The following GLIS3 variants were observed in gnomAD, a reference collection of about 807,000 sequenced individuals.
GLIS3 encodes zinc finger protein GLIS3.
In GLIS3, 53 loss-of-function variants were observed where a neutral mutation model predicts 78.6. The observed-to-expected ratio is 0.67, with a 90% CI of 0.54 to 0.85. GLIS3 has a LOEUF of 0.85. Among genes scored for constraint, GLIS3 ranks in the 40% least tolerant of loss-of-function variants. The pLI is 0.00. For missense variants in GLIS3, 1,703 were observed against 1,231.1 expected, an observed-to-expected ratio of 1.38 and a Z score of -5.74; for synonymous variants, 684 against 509.9, an observed-to-expected ratio of 1.34 and a Z score of -4.60.
chr9:4,431,705 G>A, the GLIS3 span, among the ~76,000 whole-genome samples: 1 of 152,120 alleles, frequency 6.6e-6, no homozygotes, highest in Non-Finnish European at 1.5e-5. Context: ...TTAGCCAGGT[G>A]TGGTGGCACA....
At chr9:4,092,745 C>T (rs1326027720) in intron 4 of GLIS3, among the ~76,000 whole-genome samples, 1 of 152,124 alleles carries the variant, frequency 6.6e-6, no homozygotes, top group East Asian at 1.9e-4. Context: ...ACGGAGCAAC[C>T]TGAGGCTGTT....
At chr9:4,466,030 G>C in the GLIS3 span, among the ~76,000 whole-genome samples, 2 of 152,262 alleles carry the variant, frequency 1.3e-5, no homozygotes, top group East Asian at 3.9e-4. Context: ...TTCTTTGATA[G>C]AGGAAATGGT....
In GLIS3 at chr9:4,270,888, GGTGTGTGTGT is replaced by G. The variant is rs148679668; in HGVS notation, c.388+15140_388+15149del. 4.2e-3 allele frequency among the ~76,000 whole-genome samples: 616 copies of G among 147,006 alleles called. 2 individuals carry two copies. Among genetic ancestry groups the G allele is most frequent in the Admixed American group, 6.9e-3 (101 of 14,726 alleles). ...AATCAATCTCTCTCTCAATCTGTGT[GGTGTGTGTGT>G]GTGTGTGTGTGTGTGTGTGTGTGTG... is the stretch of plus-strand genomic sequence containing the variant. On this transcript the variant is annotated intron_variant, in intron 2 of 10. Transcript: ENST00000381971.
rs1483808319 is a variant in GLIS3 at position 4,008,901 on chromosome 9, G to T, written c.1711-71712C>A. On this transcript the variant is annotated intron_variant, in intron 4 of 10. Coordinates refer to ENST00000381971, the MANE Select transcript of GLIS3 (RefSeq NM_001042413.2). The stretch of plus-strand genomic sequence containing the variant: ...ACGGTTATGCACTTGACCCAGCAGA[G>T]TCAGAAGTAAAATTCAGGTCCCCTA... Among the ~76,000 whole-genome samples the T allele has an allele frequency of 6.6e-5, 10 of 152,080 alleles. No homozygotes were observed. The East Asian group carries it at 1.9e-3, about 29-fold the overall frequency.
At chr9:3,955,487 G>A (rs1163117215) in intron 4 of GLIS3, among the ~76,000 whole-genome samples, 1 of 152,134 alleles carries the variant, frequency 6.6e-6, no homozygotes, top group Non-Finnish European at 1.5e-5. Flanking sequence ...TGCTTCAAGA[G>A]GCTGTTGTGA....
chr9:4,092,575 T>A (rs1387924659), intron 4 of GLIS3, among the ~76,000 whole-genome samples: 1 of 152,154 alleles, frequency 6.6e-6, no homozygotes. Flanking sequence ...AAGTAAGACA[T>A]GAATACACAC....
At chr9:3,858,664 C>G (rs547490600) in intron 8 of GLIS3, among the ~76,000 whole-genome samples, 1 of 152,110 alleles carries the variant, frequency 6.6e-6, no homozygotes, top group African/African-American at 2.4e-5. Flanking sequence ...ATAAACTATT[C>G]TAAGTAAAAT....
At chr9:4,394,397 G>A in the GLIS3 span, among the ~76,000 whole-genome samples, 1 of 151,824 alleles carries the variant, frequency 6.6e-6, no homozygotes, top group Non-Finnish European at 1.5e-5. Context: ...ATATGGGGTG[G>A]TTGTGAGTCT....
intron 9 of GLIS3, among the ~76,000 whole-genome samples, chr9:3,848,390 T>A (rs983062524): frequency 6.6e-6 from 1 of 152,104 alleles, no homozygotes; most frequent in Non-Finnish European, 1.5e-5. Context: ...TAATCCCAGC[T>A]ACTCTGGAGG....
At chr9:4,389,042 A>C in the GLIS3 span, among the ~76,000 whole-genome samples, 1 of 152,334 alleles carries the variant, frequency 6.6e-6, no homozygotes, top group South Asian at 2.1e-4. Flanking sequence ...ACTTAAGCCG[A>C]CTGAGGTGCC....
intron 6 of GLIS3, among the ~76,000 whole-genome samples, chr9:3,922,774 T>C (rs553617461): frequency 6.6e-6 from 1 of 151,908 alleles, no homozygotes; most frequent in Non-Finnish European, 1.5e-5. Context: ...GCCAAAAAAA[T>C]GGAGAAAGAG....
intron 4 of GLIS3, among the ~76,000 whole-genome samples, chr9:4,056,931 A>G (rs1588559658): frequency 1.7e-5 from 2 of 114,372 alleles, no homozygotes; most frequent in Middle Eastern, 0.01. Flanking sequence ...GCCATCTGCC[A>G]GGAAAAAAAG....
chr9:3,901,497 A>T (rs934869624), intron 6 of GLIS3, among the ~76,000 whole-genome samples: 1 of 152,210 alleles, frequency 6.6e-6, no homozygotes, highest in Admixed American at 6.5e-5. Context: ...GTTGCTATAC[A>T]TTACCAGCAC....
intron 2 of GLIS3, among the ~76,000 whole-genome samples, chr9:4,189,337 G>C (rs1818110588): frequency 6.6e-6 from 1 of 152,138 alleles, no homozygotes; most frequent in Non-Finnish European, 1.5e-5. Flanking sequence ...CTGAGTTCTA[G>C]TTTGATTGCA....
intron 4 of GLIS3, among the ~76,000 whole-genome samples, chr9:3,943,780 C>T (rs1230790523): frequency 1.3e-5 from 2 of 152,210 alleles, no homozygotes; most frequent in East Asian, 1.9e-4. Context: ...TCACTGAGTG[C>T]GTGCCGGTCA....
intron 4 of GLIS3, among the ~76,000 whole-genome samples, chr9:3,948,781 G>C (rs181160480): frequency 6.6e-6 from 1 of 152,262 alleles, no homozygotes; most frequent in Admixed American, 6.5e-5. Flanking sequence ...AAAAGAATGA[G>C]CAAAATGAGT....
At chr9:4,471,526 A>G in the GLIS3 span, among the ~76,000 whole-genome samples, 1 of 152,226 alleles carries the variant, frequency 6.6e-6, no homozygotes, top group African/African-American at 2.4e-5. Flanking sequence ...TATTTAATAA[A>G]TGGTGCTGGG....
At chr9:4,466,779 G>C in the GLIS3 span, among the ~76,000 whole-genome samples, 2 of 152,214 alleles carry the variant, frequency 1.3e-5, no homozygotes, top group African/African-American at 4.8e-5. Context: ...TCTCACTAGG[G>C]CTTGTCAGAC....
chr9:4,206,888 G>A (rs1022735765), intron 2 of GLIS3, among the ~76,000 whole-genome samples: 1 of 150,946 alleles, frequency 6.6e-6, no homozygotes, highest in South Asian at 2.1e-4. Context: ...GGCATATCGC[G>A]CTGGGAGGAA....
Sources: allele counts gnomAD v4.1 joint callset (sites outside exome capture counted in the v4.1 genomes callset), GRCh38; gene constraint gnomAD v4.1.1; transcripts MANE v1.5; gene names NCBI Gene and HGNC (gene_info 2026-07-23, HGNC 2026-07-21).